The following AGPAT3 variants were observed in gnomAD, a reference collection of about 807,000 sequenced individuals.
The protein encoded by AGPAT3 is 1-acylglycerol-3-phosphate O-acyltransferase 3.
In AGPAT3, 5 loss-of-function variants were observed where a neutral mutation model predicts 47.3. The observed-to-expected ratio is 0.11, with a 90% CI of 0.06 to 0.22. The LOEUF (loss-of-function observed/expected upper bound fraction) is 0.22, where lower values mean the gene tolerates loss of function less well. Ranked by LOEUF, AGPAT3 falls within the 10% of genes least tolerant of loss-of-function variation. AGPAT3 has a pLI of 1.00. For missense variants in AGPAT3, 315 were observed against 493.0 expected (o/e 0.64, Z 3.42); for synonymous variants, 212 against 208.3 (o/e 1.02, Z -0.15).
chr21:43,873,534 C>T (rs1026313745), intron 1 of AGPAT3, among the ~76,000 whole-genome samples: 7 of 152,030 alleles, frequency 4.6e-5, no homozygotes, highest in African/African-American at 7.3e-5. Context: ...CGCACCACCA[C>T]GCCTGGCTAA....
intron 2 of AGPAT3, among the ~76,000 whole-genome samples, chr21:43,945,567 C>T (rs2087849004): frequency 6.6e-6 from 1 of 152,112 alleles, no homozygotes; most frequent in Non-Finnish European, 1.5e-5. Context: ...ACAGGTCCAG[C>T]CTTTCTGAGC....
rs566712516 is a variant in AGPAT3, at chr21:43,949,996, C to T, written c.-48-9638C>T. Among the ~76,000 whole-genome samples the T allele has an allele frequency of 5.3e-5, 8 of 150,578 alleles. 1 individual carries two copies. The highest frequency in any genetic ancestry group is 2.1e-4 in the South Asian group (1 of 4,826). ...GCCCTTCCCCTAAACTTCCAGTTTC[C>T]CCCTCTCCCACCTGCCTGAAAGGCA... On this transcript the variant is annotated intron_variant, in intron 2 of 9. Transcript: ENST00000291572.
At chr21:43,951,144 C>T (rs1275474864) in intron 2 of AGPAT3, among the ~76,000 whole-genome samples, 2 of 151,662 alleles carry the variant, frequency 1.3e-5, no homozygotes, top group Non-Finnish European at 2.9e-5. Flanking sequence ...AAGGCCCTCC[C>T]GTGCCACCAC....
intron 1 of AGPAT3, among the ~76,000 whole-genome samples, chr21:43,878,403 C>A (rs1208236464): frequency 6.6e-6 from 1 of 152,250 alleles, no homozygotes; most frequent in Non-Finnish European, 1.5e-5. Context: ...CACTGCTGAC[C>A]TTCCCATTTG....
intron 2 of AGPAT3, among the ~76,000 whole-genome samples, chr21:43,924,195 T>G (rs991166604): frequency 1.3e-5 from 2 of 151,478 alleles, no homozygotes; most frequent in African/African-American, 4.8e-5. Flanking sequence ...TTTGTATTTT[T>G]TTTTTTTTTT....
In AGPAT3 at chr21:43,922,875, G is replaced by C. The variant is rs2086934900; in HGVS notation, c.-49+18856G>C. 1.3e-5 allele frequency among the ~76,000 whole-genome samples: 2 copies of C among 152,220 alleles called. No homozygotes were observed. The highest frequency in any genetic ancestry group is 2.9e-5 in the Non-Finnish European group (2 of 68,028). ...TGTGTGATGTGACTGGCTGCCCAGT[G>C]GTGGTGGCAGAGCCAGCCTGGGGTC... On this transcript the variant is annotated intron_variant, in intron 2 of 9. Coordinates refer to ENST00000291572, the MANE Select transcript of AGPAT3 (RefSeq NM_020132.5). The surrounding 1 kb of genome is among the most constrained non-coding windows in gnomAD (Gnocchi z 4.9).
intron 7 of AGPAT3, among the ~76,000 whole-genome samples, chr21:43,973,090 A>T (rs1016371472): frequency 3.9e-5 from 6 of 152,260 alleles, no homozygotes; most frequent in African/African-American, 1.4e-4. Context: ...GGAGGTTTCC[A>T]GGAAGGGTTT....
In AGPAT3 at chr21:43,939,186, C is replaced by T. The variant is rs575224478; in HGVS notation, c.-48-20448C>T. Among the ~76,000 whole-genome samples, 222 of 152,276 alleles carry T rather than the reference C, an allele frequency of 1.5e-3. No individual in the cohort carries two copies. The highest frequency in any genetic ancestry group is 2.6e-3 in the Non-Finnish European group (179 of 68,010). On this transcript the variant is annotated intron_variant, in intron 2 of 9. Transcript: ENST00000291572. The surrounding 1 kb of genome is among the most constrained non-coding windows in gnomAD (Gnocchi z 4.4). ...TGACTTTCACTTTATCCCACTGTGG[C>T]CCCGTGACCCTGAGCGAGAATGCAC...
At chr21:43,907,033 T>C (rs796485135) in intron 2 of AGPAT3, among the ~76,000 whole-genome samples, 457 of 147,480 alleles carry the variant, frequency 3.1e-3, no homozygotes, top group African/African-American at 8.0e-3. Context: ...TTCTTTCTTT[T>C]TTTTTTTTTT....
At chr21:43,957,491 G>T (rs1324288171) in intron 2 of AGPAT3, among the ~76,000 whole-genome samples, 1 of 151,918 alleles carries the variant, frequency 6.6e-6, no homozygotes, top group African/African-American at 2.4e-5. Flanking sequence ...GGGGGTCTCG[G>T]GTTTCCCCTC....
intron 2 of AGPAT3, among the ~76,000 whole-genome samples, chr21:43,949,264 C>T (rs556627702): frequency 4.7e-4 from 72 of 152,284 alleles, no homozygotes; most frequent in African/African-American, 1.1e-3. Context: ...ACCATCATGT[C>T]GGGGGGCCCT....
chr21:43,957,741 C>G (rs531375540), intron 2 of AGPAT3, among the ~76,000 whole-genome samples: 87 of 145,246 alleles, frequency 6.0e-4, no homozygotes, highest in Non-Finnish European at 1.1e-3. Context: ...CCCCTCCACA[C>G]GGGGTTTCCC....
chr21:43,917,463 C>T (rs372181604), intron 2 of AGPAT3, among the ~76,000 whole-genome samples: 1 of 152,234 alleles, frequency 6.6e-6, no homozygotes, highest in South Asian at 2.1e-4. Context: ...CCTTTAAGTT[C>T]TGCCTCTGTG....
chr21:43,947,289 C>T (rs1046111559), intron 2 of AGPAT3, among the ~76,000 whole-genome samples: 3 of 152,236 alleles, frequency 2.0e-5, no homozygotes, highest in Admixed American at 6.5e-5. Flanking sequence ...CAGTACCTGG[C>T]GGGGAGCTTC....
intron 7 of AGPAT3, among the ~76,000 whole-genome samples, chr21:43,974,001 T>G (rs2089500619): frequency 6.6e-6 from 1 of 152,214 alleles, no homozygotes; most frequent in Non-Finnish European, 1.5e-5. Context: ...ATTCTTATGT[T>G]TATATGTTTC....
intron 1 of AGPAT3, among the ~76,000 whole-genome samples, chr21:43,887,406 G>A (rs2086004290): frequency 6.6e-6 from 1 of 152,234 alleles, no homozygotes. Flanking sequence ...AAATGCAAAT[G>A]TAGGTTGACT....
rs2087921817 is a variant in AGPAT3, at chr21:43,946,946, G to A, written c.-48-12688G>A. 3 of 152,392 alleles carry A rather than the reference G, an allele frequency of 2.0e-5. 1 individual carries two copies. The South Asian group carries it at 6.2e-4, about 31-fold the overall frequency. The allele number at this position is 152,392 out of a possible 1,614,324, so 9.4% of individuals were successfully genotyped here. ...CACAGGTCCATTGTGCAGTCATCAGGCCCTGGGAGCTTTCCACATCCCTCC... is the reference window on the plus strand; with the variant it reads ...CACAGGTCCATTGTGCAGTCATCAGACCCTGGGAGCTTTCCACATCCCTCC... On this transcript the variant is annotated intron_variant, in intron 2 of 9. Transcript: ENST00000291572.
chr21:43,891,550 G>C (rs770128659), intron 1 of AGPAT3, among the ~76,000 whole-genome samples: 2 of 151,838 alleles, frequency 1.3e-5, no homozygotes, highest in African/African-American at 4.8e-5. Context: ...GGAGAATGGC[G>C]TGAACCCGGG....
intron 1 of AGPAT3, among the ~76,000 whole-genome samples, chr21:43,890,913 T>G (rs952734811): frequency 6.6e-6 from 1 of 152,082 alleles, no homozygotes; most frequent in African/African-American, 2.4e-5. Flanking sequence ...AATTTTTGTA[T>G]TTTTAGTAGA....
Sources: allele counts gnomAD v4.1 joint callset (sites outside exome capture counted in the v4.1 genomes callset), GRCh38; gene constraint gnomAD v4.1.1; non-coding constraint Gnocchi (gnomAD v3.1); transcripts MANE v1.5; gene names NCBI Gene and HGNC (gene_info 2026-07-23, HGNC 2026-07-21).